ZZZ3: variants seen among roughly 807,000 people sequenced by gnomAD.
ZZZ3 encodes ZZ-type zinc finger-containing protein 3.
In ZZZ3, 22 loss-of-function variants were observed where a neutral mutation model predicts 95.2. That is an observed-to-expected ratio of 0.23 (90% confidence interval 0.17 to 0.33). The LOEUF (loss-of-function observed/expected upper bound fraction) is 0.33, where lower values mean the gene tolerates loss of function less well. Among genes scored for constraint, ZZZ3 ranks in the 10% least tolerant of loss-of-function variants. The pLI is 1.00. For missense variants in ZZZ3, 885 were observed against 1,066.5 expected (o/e 0.83, Z 2.37); for synonymous variants, 335 against 358.9 (o/e 0.93, Z 0.75).
rs192379824 is a variant in ZZZ3 at position 77,563,752 on chromosome 1, G to A, written c.*1888C>T. On this transcript the variant is annotated 3_prime_UTR_variant, in exon 15 of 15. Transcript: ENST00000370801. ...TTCACAAAACATTTAATATAAAAAC[G>A]CCCAGAATGCTAATGATTCCCCTCT... 147 of 152,174 alleles carry A rather than the reference G, an allele frequency of 9.7e-4. 1 individual carries two copies. Among genetic ancestry groups the A allele is most frequent in the African/African-American group, 3.2e-3 (134 of 41,532 alleles). 9.4% of individuals were successfully genotyped at this position (152,174 alleles called of 1,614,324 possible).
intron 8 of ZZZ3, 67 bp downstream of exon 8, chr1:77,581,709 C>A: frequency 7.9e-7 from 1 of 1,273,152 alleles, no homozygotes; most frequent in East Asian, 2.4e-5. Flanking sequence ...GAACACAAAC[C>A]AGCAAAATGT....
rs551980838 is a variant in ZZZ3, at chr1:77,607,899, G to A, written c.1506-23244C>T. 4.5e-4 allele frequency among the ~76,000 whole-genome samples: 63 copies of A among 140,100 alleles called. No homozygotes were observed. In the Middle Eastern group the frequency reaches 0.012, roughly 27 times the overall value. The allele number at this position is 140,100 out of a possible 152,430, so 91.9% of individuals were successfully genotyped here. ...CATGCCACTGCACTCCAGCCTGGGC[G>A]ACAGAACAAGACTCTGTCTCAAAAA... On this transcript the variant is annotated intron_variant, in intron 5 of 14. Transcript: ENST00000370801.
At chr1:77,568,002 T>C (rs1029607825) in intron 13 of ZZZ3, among the ~76,000 whole-genome samples, 24 of 152,222 alleles carry the variant, frequency 1.6e-4, no homozygotes, top group African/African-American at 5.5e-4. Flanking sequence ...TCCTACATGC[T>C]TAGCAATTCT....
chr1:77,661,408 C>A (rs6677011), intron 1 of ZZZ3, among the ~76,000 whole-genome samples: 4,009 of 152,100 alleles, frequency 0.026, 57 homozygotes, highest in Middle Eastern at 0.078. Context: ...AGCAAAACTC[C>A]AACCAAAACC....
At chr1:77,572,490 C>T (rs1251137353) in intron 12 of ZZZ3, among the ~76,000 whole-genome samples, 3 of 152,114 alleles carry the variant, frequency 2.0e-5, no homozygotes, top group African/African-American at 7.2e-5. Flanking sequence ...CAAGCATGCA[C>T]CACCATACCT....
At chr1:77,603,770 C>T (rs1250259765) in intron 5 of ZZZ3, among the ~76,000 whole-genome samples, 1 of 151,820 alleles carries the variant, frequency 6.6e-6, no homozygotes, top group Non-Finnish European at 1.5e-5. Context: ...ATTCGAAGAG[C>T]TTCTTAAAAA....
At chr1:77,671,566 C>T (rs192201630) in intron 1 of ZZZ3, among the ~76,000 whole-genome samples, 5 of 152,256 alleles carry the variant, frequency 3.3e-5, no homozygotes, top group East Asian at 1.9e-4. Flanking sequence ...CTGTGTGACA[C>T]CGAGCAAGAT....
chr1:77,664,046 G>A (rs998714251), intron 1 of ZZZ3, among the ~76,000 whole-genome samples: 7 of 151,116 alleles, frequency 4.6e-5, no homozygotes, highest in South Asian at 2.1e-4. Flanking sequence ...CATGGCACCC[G>A]GCTAATAAAC....
chr1:77,581,506 C>G (rs551628488), intron 8 of ZZZ3, among the ~76,000 whole-genome samples: 61 of 152,234 alleles, frequency 4.0e-4, no homozygotes, highest in Middle Eastern at 3.4e-3. Flanking sequence ...ACCTATTTAA[C>G]CCTCACCAAC....
Position 77,579,520 on chromosome 1 carries a change from CAA to C in ZZZ3, c.2082+5_2082+6del. ...TACCAGCAATCTGCAGTCATCTCCT[CAA>C]TTACCTGTTTTGCTGTCCTGTTGCC... On this transcript the variant is annotated splice_donor_5th_base_variant and intron_variant, in intron 10 of 14. Transcript: ENST00000370801. The C allele has an allele frequency of 6.3e-7, 1 of 1,593,214 alleles. No homozygotes were observed. Among genetic ancestry groups the C allele is most frequent in the Non-Finnish European group, 8.6e-7 (1 of 1,168,182 alleles).
chr1:77,613,015 C>A (rs951751914), intron 5 of ZZZ3, among the ~76,000 whole-genome samples: 13 of 151,954 alleles, frequency 8.6e-5, no homozygotes, highest in African/African-American at 2.7e-4. Flanking sequence ...CCACTTACTA[C>A]CTATATGTAT....
intron 1 of ZZZ3, among the ~76,000 whole-genome samples, chr1:77,654,703 C>T (rs1670114674): frequency 6.6e-6 from 1 of 152,154 alleles, no homozygotes; most frequent in Admixed American, 6.5e-5. Flanking sequence ...GTTTGGTACC[C>T]ACGCCTCTCC....
intron 5 of ZZZ3, among the ~76,000 whole-genome samples, chr1:77,605,436 T>A (rs916645477): frequency 1.3e-5 from 2 of 152,050 alleles, no homozygotes; most frequent in African/African-American, 4.8e-5. Context: ...CAACTGCAGT[T>A]CCTAGGCAAG....
At chr1:77,576,593 T>C (rs1281349452) in intron 11 of ZZZ3, among the ~76,000 whole-genome samples, 1 of 152,120 alleles carries the variant, frequency 6.6e-6, no homozygotes, top group East Asian at 1.9e-4. Flanking sequence ...CATAAAACTA[T>C]CCAGTAAAAA....
intron 5 of ZZZ3, among the ~76,000 whole-genome samples, chr1:77,610,330 T>A (rs965823460): frequency 3.3e-5 from 5 of 151,914 alleles, no homozygotes; most frequent in Non-Finnish European, 7.4e-5. Context: ...ATAAAAAGTC[T>A]CCCAGTAAAG....
intron 5 of ZZZ3, among the ~76,000 whole-genome samples, chr1:77,624,525 A>G (rs1667168089): frequency 6.6e-6 from 1 of 152,156 alleles, no homozygotes; most frequent in Admixed American, 6.5e-5. Context: ...AGATTGGTGA[A>G]CACATCTACG....
chr1:77,640,975 CCATTTAATACTACAGTA>C (rs1668729071), intron 3 of ZZZ3: 1 of 152,152 alleles, frequency 6.6e-6, no homozygotes. Context: ...TGTCTAATAA[CCATTTAATACTACAGTA>C]CATTAAGAAA....
At chr1:77,611,403 C>A (rs1042638678) in intron 5 of ZZZ3, among the ~76,000 whole-genome samples, 4 of 152,022 alleles carry the variant, frequency 2.6e-5, no homozygotes, top group African/African-American at 9.6e-5. Flanking sequence ...AATGTCCATA[C>A]TACTCGAAGC....
intron 1 of ZZZ3, among the ~76,000 whole-genome samples, chr1:77,681,211 G>A (rs973946072): frequency 6.6e-6 from 1 of 152,104 alleles, no homozygotes; most frequent in Non-Finnish European, 1.5e-5. Context: ...CACAAAGGCT[G>A]GTTACAGAGA....
Sources: gnomAD v4.1 joint callset for allele counts (sites outside exome capture counted in the v4.1 genomes callset) on GRCh38, gnomAD v4.1.1 for gene constraint, MANE v1.5 for transcripts, NCBI Gene and HGNC (gene_info 2026-07-23, HGNC 2026-07-21) for gene names.